Variants in TAF12 observed in about 807,000 individuals in gnomAD.
TAF12 encodes the protein transcription initiation factor TFIID subunit 12.
A neutral mutation model predicts 20.8 loss-of-function variants in TAF12; 3 were observed. The observed-to-expected ratio is 0.14, with a 90% CI of 0.07 to 0.37. TAF12 has a LOEUF of 0.37. Among genes scored for constraint, TAF12 ranks in the 10% least tolerant of loss-of-function variants. TAF12 has a pLI of 1.00. For synonymous variants in TAF12, 69 were observed against 70.2 expected, an observed-to-expected ratio of 0.98 and a Z score of 0.09; for missense variants, 131 against 197.9, an observed-to-expected ratio of 0.66 and a Z score of 2.03.
chr1:28,647,669 C>T (rs542190522), upstream of TAF12, among the ~76,000 whole-genome samples: 1 of 152,146 alleles, frequency 6.6e-6, no homozygotes, highest in African/African-American at 2.4e-5. Flanking sequence ...GTCAGGAGAT[C>T]GAGACCATCC....
intron 4 of TAF12, among the ~76,000 whole-genome samples, chr1:28,607,031 T>G (rs1266247072): frequency 6.6e-6 from 1 of 152,218 alleles, no homozygotes; most frequent in African/African-American, 2.4e-5. Flanking sequence ...CCTTATAAGG[T>G]TATCACAAGA....
intron 2 of TAF12, among the ~76,000 whole-genome samples, chr1:28,621,291 A>G (rs1422366152): frequency 6.6e-6 from 1 of 152,166 alleles, no homozygotes; most frequent in African/African-American, 2.4e-5. Flanking sequence ...AAAACAAGTC[A>G]AAGGGATTAT....
chr1:28,622,434 G>A (rs753051262), intron 1 of TAF12, among the ~76,000 whole-genome samples: 1 of 151,552 alleles, frequency 6.6e-6, no homozygotes, highest in South Asian at 2.1e-4. Flanking sequence ...TATATGGAAT[G>A]GTGACCATTT....
intron 4 of TAF12, among the ~76,000 whole-genome samples, chr1:28,609,707 G>A (rs1340186203): frequency 1.3e-5 from 2 of 151,576 alleles, no homozygotes; most frequent in African/African-American, 4.8e-5. Context: ...GGCTGGTCTC[G>A]AACACCTGAC....
At chr1:28,605,154 A>G (rs12127126) in intron 5 of TAF12, among the ~76,000 whole-genome samples, 2,469 of 152,238 alleles carry the variant, frequency 0.016, 39 homozygotes, top group Non-Finnish European at 0.024. Context: ...ACGAGAAAAA[A>G]CAGACCACAT....
intron 4 of TAF12, among the ~76,000 whole-genome samples, chr1:28,609,003 ATG>A (rs1195902411): frequency 6.6e-6 from 1 of 152,154 alleles, no homozygotes; most frequent in Non-Finnish European, 1.5e-5. Context: ...ACATACATGT[ATG>A]TGTGTCTATT....
intron 3 of TAF12, among the ~76,000 whole-genome samples, chr1:28,617,383 T>C (rs1667076628): frequency 6.6e-6 from 1 of 152,116 alleles, no homozygotes; most frequent in Admixed American, 6.6e-5. Context: ...CTTCTGGGTT[T>C]AAGAACACTT....
intron 1 of TAF12, among the ~76,000 whole-genome samples, chr1:28,640,385 T>C (rs1242008653): frequency 1.4e-4 from 22 of 152,182 alleles, no homozygotes; most frequent in Admixed American, 1.4e-3. Context: ...AACGATTACT[T>C]CTATTTTGCT....
intron 1 of TAF12, among the ~76,000 whole-genome samples, chr1:28,625,003 C>T (rs1667336071): frequency 6.6e-6 from 1 of 152,248 alleles, no homozygotes; most frequent in East Asian, 1.9e-4. Context: ...CCTTTCTTAA[C>T]ATGGTAATAG....
intron 1 of TAF12, among the ~76,000 whole-genome samples, chr1:28,636,043 T>C (rs1052028218): frequency 6.6e-6 from 1 of 152,176 alleles, no homozygotes; most frequent in South Asian, 2.1e-4. Context: ...CTCTGGCTTC[T>C]AAATGTATCT....
At chr1:28,635,061 A>G (rs1034555351) in intron 1 of TAF12, among the ~76,000 whole-genome samples, 7 of 141,658 alleles carry the variant, frequency 4.9e-5, no homozygotes, top group Admixed American at 1.4e-4. Context: ...CACCTCTACT[A>G]AAAAAAAAAA....
intron 1 of TAF12, among the ~76,000 whole-genome samples, chr1:28,638,047 C>T (rs905298870): frequency 1.3e-5 from 2 of 152,086 alleles, no homozygotes; most frequent in African/African-American, 4.8e-5. Flanking sequence ...GTCGCTCAGG[C>T]TGGAGTGCAG....
intron 1 of TAF12, among the ~76,000 whole-genome samples, chr1:28,632,464 A>G (rs115401578): frequency 0.041 from 6,274 of 152,152 alleles, 164 homozygotes; most frequent in Middle Eastern, 0.085. Flanking sequence ...TGCAGTGTGC[A>G]GAGATCGCAC....
At chr1:28,641,503 A>G (rs973816533) in intron 1 of TAF12, among the ~76,000 whole-genome samples, 3 of 151,726 alleles carry the variant, frequency 2.0e-5, no homozygotes, top group Non-Finnish European at 4.4e-5. Flanking sequence ...AACAAAAACA[A>G]AAACTGCAAG....
chr1:28,621,227 C>G (rs1308862363), intron 2 of TAF12, among the ~76,000 whole-genome samples: 1 of 152,162 alleles, frequency 6.6e-6, no homozygotes, highest in African/African-American at 2.4e-5. Flanking sequence ...GCAAGTCCCT[C>G]CACTCATTCC....
intron 1 of TAF12, among the ~76,000 whole-genome samples, chr1:28,637,861 T>C (rs1160355879): frequency 6.6e-6 from 1 of 152,020 alleles, no homozygotes. Context: ...CCAAAAGTAG[T>C]ATGTCTTCGC....
chr1:28,613,195 G>C lies in TAF12; in HGVS notation c.361+52C>G, dbSNP rs1336614813. The stretch of plus-strand genomic sequence containing the variant: ...TCCTCTGACTACACTTTCCCTGGCA[G>C]TCCTGAAGAAGCAGTTGAATCCATA... On this transcript the variant is annotated intron_variant, in intron 4 of 5. Transcript: ENST00000373824. The C allele has an allele frequency of 2.0e-6, 3 of 1,486,266 alleles. No homozygotes were observed. In the East Asian group the frequency reaches 7.1e-5, roughly 35 times the overall value. The allele number at this position is 1,486,266 out of a possible 1,614,324, so 92.1% of individuals were successfully genotyped here.
At chr1:28,645,858 CT>C (rs1011102596), upstream of TAF12, among the ~76,000 whole-genome samples, 16 of 151,814 alleles carry the variant, frequency 1.1e-4, no homozygotes, top group African/African-American at 3.9e-4. Context: ...TCCCAAGCTA[CT>C]CAGGAGGCTG....
chr1:28,618,004 G>A lies in TAF12; in HGVS notation c.195C>T (p.Asp65=). The change falls in exon 3 of 6, where the codon GAC becomes GAT. Residue 65 remains aspartate (D), a synonymous_variant. Transcript: ENST00000373824. The part of the protein sequence containing the change: ...NQVLTKKKLQ[D]LVREVDPNEQ... Reference sequence around the variant, plus strand: ...CATTAGGATCCACTTCTCTTACTAAGTCCTGTAATTTCTTCTTGGTCAATA... The same window carrying A: ...CATTAGGATCCACTTCTCTTACTAAATCCTGTAATTTCTTCTTGGTCAATA... 1 of 1,613,798 alleles carries A rather than the reference G, an allele frequency of 6.2e-7. No homozygotes were observed. The highest frequency in any genetic ancestry group is 8.5e-7 in the Non-Finnish European group (1 of 1,179,908).
Sources: allele counts gnomAD v4.1 joint callset (sites outside exome capture counted in the v4.1 genomes callset), GRCh38; gene constraint gnomAD v4.1.1; transcripts MANE v1.5; gene names NCBI Gene and HGNC (gene_info 2026-07-23, HGNC 2026-07-21).